WWOX: variants seen among roughly 807,000 people sequenced by gnomAD.
WWOX encodes WW domain-containing oxidoreductase.
Under a neutral mutation model 46.2 loss-of-function variants are expected in WWOX, and 69 were observed. The ratio of observed to expected loss-of-function variants is 1.49; its 90% CI spans 1.23 to 1.82. The LOEUF (loss-of-function observed/expected upper bound fraction) is 1.82, where lower values mean the gene tolerates loss of function less well. Among genes scored for constraint, WWOX ranks in the 40% most tolerant of loss-of-function variants. WWOX has a pLI of 0.00. For missense variants in WWOX, 919 were observed against 542.6 expected, an observed-to-expected ratio of 1.69 and a Z score of -6.89; for synonymous variants, 359 against 202.6, an observed-to-expected ratio of 1.77 and a Z score of -6.56.
intron 8 of WWOX, among the ~76,000 whole-genome samples, chr16:78,997,156 G>T (rs539284942): frequency 1.8e-4 from 28 of 151,666 alleles, no homozygotes; most frequent in African/African-American, 6.5e-4. Context: ...CTGGTGAGGG[G>T]GGTGCTATTT....
At chr16:78,753,838 A>ATATATATATATATG (rs1360120868) in intron 8 of WWOX, among the ~76,000 whole-genome samples, 1 of 102,850 alleles carries the variant, frequency 9.7e-6, no homozygotes, top group African/African-American at 4.2e-5. Flanking sequence ...ATATATATAT[A>ATATATATATATATG]TATATATATA....
intron 8 of WWOX, among the ~76,000 whole-genome samples, chr16:78,513,746 C>G (rs1161979547): frequency 1.3e-5 from 2 of 152,158 alleles, no homozygotes; most frequent in Non-Finnish European, 2.9e-5. Context: ...GTCTCATATA[C>G]CCCTCTAAGA....
At chr16:78,171,579 C>T (rs901586335) in intron 5 of WWOX, among the ~76,000 whole-genome samples, 1 of 152,092 alleles carries the variant, frequency 6.6e-6, no homozygotes, top group African/African-American at 2.4e-5. Flanking sequence ...CATCACAAGT[C>T]ACAGGGCTTA....
At chr16:78,845,441 C>G (rs1191822142) in intron 8 of WWOX, among the ~76,000 whole-genome samples, 2 of 152,166 alleles carry the variant, frequency 1.3e-5, no homozygotes, top group African/African-American at 4.8e-5. Flanking sequence ...CTGGAGTCAA[C>G]TGTCAAATAT....
At chr16:78,937,976 C>G (rs1211690747) in intron 8 of WWOX, among the ~76,000 whole-genome samples, 4 of 152,084 alleles carry the variant, frequency 2.6e-5, no homozygotes, top group Admixed American at 2.0e-4. Flanking sequence ...TTTCTTATTC[C>G]TCATCTGACT....
chr16:79,095,666 A>G (rs1225189932), intron 8 of WWOX, among the ~76,000 whole-genome samples: 2 of 152,102 alleles, frequency 1.3e-5, no homozygotes, highest in African/African-American at 4.8e-5. Flanking sequence ...GTTTTTCAAC[A>G]TGGAACCATT....
intron 7 of WWOX, among the ~76,000 whole-genome samples, chr16:78,427,542 G>GCACACA (rs145433869): frequency 3.4e-4 from 51 of 150,010 alleles, no homozygotes; most frequent in Non-Finnish European, 5.9e-4. Context: ...ACGCACGCAC[G>GCACACA]CACACACACA....
rs185176860 is a variant in WWOX, at chr16:78,529,137, T to G, written c.1056+96385T>G. Reference sequence around the variant, plus strand: ...CCCAGCTAAGTTTGTTCATTTTTTGTAGATACAGGGTCTGACTGTATTGCC... The same window carrying G: ...CCCAGCTAAGTTTGTTCATTTTTTGGAGATACAGGGTCTGACTGTATTGCC... On this transcript the variant is annotated intron_variant, in intron 8 of 8. Coordinates refer to ENST00000566780, the MANE Select transcript of WWOX (RefSeq NM_016373.4). 1.9e-3 allele frequency among the ~76,000 whole-genome samples: 286 copies of G among 151,790 alleles called. 1 individual carries two copies. The highest frequency in any genetic ancestry group is 3.6e-3 in the Admixed American group (55 of 15,254).
chr16:79,165,592 A>C lies in WWOX; in HGVS notation c.1057-46016A>C, dbSNP rs922107713. 6.3e-4 allele frequency among the ~76,000 whole-genome samples: 96 copies of C among 152,092 alleles called. 2 individuals are homozygous for C. Among genetic ancestry groups the C allele is most frequent in the Non-Finnish European group, 1.5e-4 (10 of 68,030 alleles). On this transcript the variant is annotated intron_variant, in intron 8 of 8. Transcript: ENST00000566780. The stretch of plus-strand genomic sequence containing the variant: ...AGTTGTATTCTGTTCCCTCTTTGCT[A>C]GTTCAGAGGCAGTGAAAGCGTGCTT...
intron 8 of WWOX, among the ~76,000 whole-genome samples, chr16:78,591,445 T>C (rs72803980): frequency 1.3e-5 from 2 of 152,154 alleles, no homozygotes; most frequent in African/African-American, 2.4e-5. Flanking sequence ...CCTCACACTT[T>C]CCACTCTCTG....
chr16:79,132,978 A>G (rs145788298), intron 8 of WWOX, among the ~76,000 whole-genome samples: 1 of 152,132 alleles, frequency 6.6e-6, no homozygotes, highest in African/African-American at 2.4e-5. Flanking sequence ...CTGTTCTGTC[A>G]CTTGGATCTT....
At chr16:78,778,301 C>T (rs144972436) in intron 8 of WWOX, among the ~76,000 whole-genome samples, 13 of 152,240 alleles carry the variant, frequency 8.5e-5, no homozygotes, top group African/African-American at 2.2e-4. Context: ...ACCACTGATA[C>T]GCCGCCAGCA....
At chr16:78,777,912 G>A (rs569812428) in intron 8 of WWOX, among the ~76,000 whole-genome samples, 1 of 152,130 alleles carries the variant, frequency 6.6e-6, no homozygotes, top group South Asian at 2.1e-4. Flanking sequence ...GGGTGTGGTG[G>A]CACATACCTG....
chr16:78,143,404 C>T (rs371295856), intron 4 of WWOX, among the ~76,000 whole-genome samples: 1 of 152,094 alleles, frequency 6.6e-6, no homozygotes, highest in African/African-American at 2.4e-5. Context: ...AGGATATTGT[C>T]TATTCGAAGG....
At chr16:78,239,526 G>T (rs561256060) in intron 5 of WWOX, among the ~76,000 whole-genome samples, 1 of 152,084 alleles carries the variant, frequency 6.6e-6, no homozygotes, top group East Asian at 1.9e-4. Flanking sequence ...TTAGTGATTT[G>T]GTTCTTCTAG....
At chr16:78,614,074 C>A (rs1450074053) in intron 8 of WWOX, among the ~76,000 whole-genome samples, 2 of 152,204 alleles carry the variant, frequency 1.3e-5, no homozygotes, top group South Asian at 2.1e-4. Context: ...CTGAACCTTG[C>A]ATGTTGTGTC....
intron 8 of WWOX, among the ~76,000 whole-genome samples, chr16:78,902,418 A>G (rs868184314): frequency 6.6e-6 from 1 of 152,236 alleles, no homozygotes; most frequent in Non-Finnish European, 1.5e-5. Flanking sequence ...TCTTGTATCC[A>G]GCAGCGCCAC....
chr16:78,227,813 G>C (rs1183509571), intron 5 of WWOX, among the ~76,000 whole-genome samples: 1 of 152,166 alleles, frequency 6.6e-6, no homozygotes, highest in African/African-American at 2.4e-5. Context: ...GGAGGCGGAG[G>C]TTGCAGTGAG....
At chr16:78,874,684 C>CTTTTTTT (rs552696627) in intron 8 of WWOX, among the ~76,000 whole-genome samples, 44 of 83,504 alleles carry the variant, frequency 5.3e-4, no homozygotes, top group East Asian at 8.2e-4. Context: ...AGATTTTTTT[C>CTTTTTTT]TTTTTTTTTT....
Sources: gnomAD v4.1 joint callset for allele counts (sites outside exome capture counted in the v4.1 genomes callset) on GRCh38, gnomAD v4.1.1 for gene constraint, MANE v1.5 for transcripts, NCBI Gene and HGNC (gene_info 2026-07-23, HGNC 2026-07-21) for gene names.